Variants in IYD observed in about 807,000 individuals in gnomAD.
IYD encodes the protein iodotyrosine deiodinase.
In IYD, 25 loss-of-function variants were observed where a neutral mutation model predicts 28.4. The ratio of observed to expected loss-of-function variants is 0.88; its 90% confidence interval spans 0.64 to 1.23. The LOEUF is 1.23. IYD is among the 50% of genes most tolerant of loss of function. The pLI is 0.00. For missense variants in IYD, 352 were observed against 357.9 expected (o/e 0.98, Z 0.13); for synonymous variants, 140 against 130.8 (o/e 1.07, Z -0.48).
rs1294582748 is a variant in IYD, at chr6:150,401,854, A to G, written c.*3617A>G. ...CTCACCTGAAGACTCTACTTTGCCAAGAGGGAATTTTTAACTCAAAGTTGT... is the reference window on the plus strand; with the variant it reads ...CTCACCTGAAGACTCTACTTTGCCAGGAGGGAATTTTTAACTCAAAGTTGT... On this transcript the variant is annotated 3_prime_UTR_variant, in exon 5 of 5. Transcript: ENST00000344419. 1.3e-5 allele frequency: 2 copies of G among 152,350 alleles called. No homozygotes were observed. The highest frequency in any genetic ancestry group is 4.8e-5 in the African/African-American group (2 of 41,578). 9.4% of individuals were successfully genotyped at this position (152,350 alleles called of 1,614,324 possible). A position where few individuals can be genotyped will look rare whatever the true frequency, so the allele number is the denominator to read the frequency against.
chr6:150,404,464 A>G lies in IYD; in HGVS notation c.*6227A>G, dbSNP rs952702667. ...AGATTTACTATAAGTTTAATGTATTAGATTTACAAGAGATGCTTAAATATA... is the reference window on the plus strand; with the variant it reads ...AGATTTACTATAAGTTTAATGTATTGGATTTACAAGAGATGCTTAAATATA... On this transcript the variant is annotated 3_prime_UTR_variant, in exon 5 of 5. Coordinates refer to ENST00000344419, the MANE Select transcript of IYD (RefSeq NM_203395.3). The G allele has an allele frequency of 6.6e-6, 1 of 152,254 alleles. No homozygotes were observed. The highest frequency in any genetic ancestry group is 2.4e-5 in the African/African-American group (1 of 41,476). The allele number at this position is 152,254 out of a possible 1,614,324, so 9.4% of individuals were successfully genotyped here. A position where few individuals can be genotyped will look rare whatever the true frequency, so the allele number is the denominator to read the frequency against.
intron 1 of IYD, among the ~76,000 whole-genome samples, chr6:150,370,260 C>A (rs200421885): frequency 1.5e-3 from 182 of 122,600 alleles, no homozygotes; most frequent in East Asian, 7.2e-3. Flanking sequence ...TGTGTGTGCG[C>A]GTGCATGTGA....
intron 2 of IYD, among the ~76,000 whole-genome samples, chr6:150,391,694 C>G (rs552717456): frequency 6.6e-6 from 1 of 152,142 alleles, no homozygotes; most frequent in East Asian, 1.9e-4. Context: ...TCATTTTGAG[C>G]AAGTATGAAT....
chr6:150,371,887 C>G (rs1037480108), intron 1 of IYD, among the ~76,000 whole-genome samples: 1 of 152,146 alleles, frequency 6.6e-6, no homozygotes, highest in Admixed American at 6.5e-5. Flanking sequence ...ACACAGGTGA[C>G]CAGTGAGAAC....
intron 1 of IYD, among the ~76,000 whole-genome samples, chr6:150,371,977 A>G (rs955987756): frequency 6.6e-5 from 10 of 152,182 alleles, no homozygotes; most frequent in Non-Finnish European, 1.5e-5. Context: ...CTACGTGGGG[A>G]TATTACTCTA....
At chr6:150,388,022 T>C (rs922029133) in intron 1 of IYD, among the ~76,000 whole-genome samples, 4 of 152,172 alleles carry the variant, frequency 2.6e-5, no homozygotes, top group Admixed American at 6.5e-5. Context: ...CTGTTTCTTG[T>C]CCAATATGTT....
In IYD at chr6:150,389,524, T is replaced by A; in HGVS notation, c.351T>A (p.Asp117Glu). 1 of 1,614,106 alleles carries A rather than the reference T, an allele frequency of 6.2e-7. No homozygotes were observed. ...SNEQVPMEVI[D>E]NVIRTAGTAP... is the part of the protein sequence containing the mutation. The stretch of plus-strand genomic sequence containing the variant: ...AGCAAGTCCCAATGGAAGTCATTGA[T>A]AATGTCATCAGAACGGCAGGTTTGT... Residue 117 changes from aspartate to glutamate, a missense_variant, in exon 2 of 5, where the codon GAT becomes GAA. Asp to Glu is a conservative substitution (Grantham distance 45). Transcript: ENST00000344419.
At chr6:150,378,050 G>A (rs1010936257) in intron 1 of IYD, among the ~76,000 whole-genome samples, 2 of 152,128 alleles carry the variant, frequency 1.3e-5, no homozygotes, top group Non-Finnish European at 2.9e-5. Context: ...CAAAAGTAGC[G>A]CCTGCTAACG....
chr6:150,374,222 A>T (rs1050132429), intron 1 of IYD, among the ~76,000 whole-genome samples: 1 of 152,250 alleles, frequency 6.6e-6, no homozygotes, highest in Non-Finnish European at 1.5e-5. Flanking sequence ...CATAAGTTTC[A>T]TGTGACACAG....
rs1329064957 is a variant in IYD at position 150,402,192 on chromosome 6, A to G, written c.*3955A>G. On this transcript the variant is annotated 3_prime_UTR_variant, in exon 5 of 5. Transcript: ENST00000344419. ...GCAGGCCTGGAAACCCTCCGAGACA[A>G]TTACTTGCATGGGGTAACCCAGTAA... 2.0e-5 allele frequency: 3 copies of G among 152,230 alleles called. No homozygotes were observed. The highest frequency in any genetic ancestry group is 4.4e-5 in the Non-Finnish European group (3 of 68,048). 9.4% of individuals were successfully genotyped at this position (152,230 alleles called of 1,614,324 possible). A position where few individuals can be genotyped will look rare whatever the true frequency, so the allele number is the denominator to read the frequency against.
Position 150,394,113 on chromosome 6 carries a change from A to G in IYD, c.545A>G (p.Lys182Arg). Residue 182 changes from lysine to arginine, a missense_variant, in exon 4 of 5, where the codon AAA (lysine) becomes AGA (arginine). Lys to Arg is a conservative substitution (Grantham distance 26). Coordinates refer to ENST00000344419, the MANE Select transcript of IYD (RefSeq NM_203395.3). ...DLKKLRTNWI[K>R]EYLDTAPILI... ...TCTCTTCACAGAACCAACTGGATTA[A>G]AGAGTACTTGGATACTGCCCCTATT... is the stretch of plus-strand genomic sequence containing the variant. 6.2e-7 allele frequency: 1 copy of G among 1,614,206 alleles called. No individual in the cohort carries two copies. The highest frequency in any genetic ancestry group is 8.5e-7 in the Non-Finnish European group (1 of 1,180,024).
intron 4 of IYD, among the ~76,000 whole-genome samples, chr6:150,397,771 A>G (rs1386334279): frequency 6.6e-6 from 1 of 151,816 alleles, no homozygotes; most frequent in Admixed American, 6.6e-5. Flanking sequence ...ATTTTTCTGT[A>G]AAATAACCAT....
intron 1 of IYD, 70 bp downstream of exon 1, chr6:150,369,279 A>C: frequency 6.8e-7 from 1 of 1,473,274 alleles, no homozygotes; most frequent in Non-Finnish European, 9.4e-7. Flanking sequence ...AGTCAATGGC[A>C]GGGCTTATGG....
chr6:150,388,647 CTTTCTTTCTTTCTTTCTTTCT>C (rs1429086863), intron 1 of IYD, among the ~76,000 whole-genome samples: 22 of 54,644 alleles, frequency 4.0e-4, no homozygotes, highest in African/African-American at 9.1e-4. Context: ...TTCTTTCTTT[CTTTCTTTCTTTCTTTCTTTCT>C]TTCTTTCTTT....
intron 1 of IYD, among the ~76,000 whole-genome samples, chr6:150,372,328 G>A (rs546861690): frequency 8.5e-4 from 114 of 133,656 alleles, no homozygotes; most frequent in Non-Finnish European, 1.5e-3. Context: ...TGGGTGGGGT[G>A]GGGGGTGGTG....
chr6:150,393,636 C>A (rs1168107099), intron 3 of IYD, among the ~76,000 whole-genome samples: 1 of 152,206 alleles, frequency 6.6e-6, no homozygotes, highest in Admixed American at 6.5e-5. Flanking sequence ...GTAATGAAAT[C>A]AAGAAAGATA....
At chr6:150,394,364 A>G in intron 4 of IYD, 109 bp downstream of exon 4, 1 of 1,170,734 alleles carries the variant, frequency 8.5e-7, no homozygotes, top group South Asian at 1.3e-5. Flanking sequence ...TAGAATTCCT[A>G]AGTGAGGTAA....
At chr6:150,381,860 CTA>C (rs1049063193) in intron 1 of IYD, among the ~76,000 whole-genome samples, 3 of 152,166 alleles carry the variant, frequency 2.0e-5, no homozygotes, top group Non-Finnish European at 2.9e-5. Flanking sequence ...TGTTATATGA[CTA>C]TATCACAATT....
At chr6:150,373,075 G>A (rs1777328854) in intron 1 of IYD, among the ~76,000 whole-genome samples, 1 of 152,178 alleles carries the variant, frequency 6.6e-6, no homozygotes. Flanking sequence ...TTTAGTGTTA[G>A]TGGGGGATTC....
Sources: gnomAD v4.1 joint callset for allele counts (sites outside exome capture counted in the v4.1 genomes callset) on GRCh38, gnomAD v4.1.1 for gene constraint, MANE v1.5 for transcripts, NCBI Gene and HGNC (gene_info 2026-07-23, HGNC 2026-07-21) for gene names.